Variants in PAM observed in about 807,000 individuals in gnomAD.
PAM encodes the protein peptidylglycine alpha-amidating monooxygenase, also known as peptidyl-glycine alpha-amidating monooxygenase.
PAM carries 72 observed loss-of-function variants against 122.1 expected under a neutral mutation model. That is an observed-to-expected ratio of 0.59 (90% CI 0.49 to 0.72). The LOEUF is 0.72. Ranked by LOEUF, PAM falls within the 30% of genes least tolerant of loss-of-function variation. The pLI, the probability that PAM is intolerant of heterozygous loss-of-function variation, is 0.00. For synonymous variants in PAM, 389 were observed against 404.4 expected, an observed-to-expected ratio of 0.96 and a Z score of 0.46; for missense variants, 1,106 against 1,183.7, an observed-to-expected ratio of 0.93 and a Z score of 0.96.
Position 102,872,961 on chromosome 5 carries a change from C to T in PAM, c.210+5568C>T, listed in dbSNP as rs370603186. 7.9e-5 allele frequency among the ~76,000 whole-genome samples: 12 copies of T among 152,208 alleles called. 1 individual carries two copies. The South Asian group carries it at 2.3e-3, about 29-fold the overall frequency. ...AGGGAAAGGATTTAAAAACTACCTACAGCCTACTATGCTTTTACCTGGGTG... is the reference window on the plus strand; with the variant it reads ...AGGGAAAGGATTTAAAAACTACCTATAGCCTACTATGCTTTTACCTGGGTG... On this transcript the variant is annotated intron_variant, in intron 3 of 25. Coordinates refer to ENST00000438793, the MANE Select transcript of PAM (RefSeq NM_001177306.2).
chr5:102,978,159 A>G (rs577269257), intron 15 of PAM, among the ~76,000 whole-genome samples: 1 of 152,314 alleles, frequency 6.6e-6, no homozygotes, highest in South Asian at 2.1e-4. Context: ...TTCTTGCAGT[A>G]TGCAGGAAAG....
At chr5:102,869,290 G>A (rs1019273616) in intron 3 of PAM, among the ~76,000 whole-genome samples, 22 of 152,216 alleles carry the variant, frequency 1.4e-4, no homozygotes, top group African/African-American at 3.9e-4. Context: ...TGTTGCATGT[G>A]AGCAGTAGGC....
In PAM at chr5:103,005,572, T is replaced by C. The variant is rs542648525; in HGVS notation, c.1803+346T>C. The stretch of plus-strand genomic sequence containing the variant: ...GCCAGAGAGATAAGAGTGACAGTAA[T>C]CTCTGTTATCTCTTCTTATGGCACT... On this transcript the variant is annotated intron_variant, in intron 18 of 25. Transcript: ENST00000438793. Among the ~76,000 whole-genome samples the C allele has an allele frequency of 3.3e-5, 5 of 152,248 alleles. No homozygotes were observed. The East Asian group carries it at 9.7e-4, about 29-fold the overall frequency.
At chr5:102,992,120 G>A (rs990667602) in intron 16 of PAM, among the ~76,000 whole-genome samples, 1 of 152,112 alleles carries the variant, frequency 6.6e-6, no homozygotes, top group Non-Finnish European at 1.5e-5. Context: ...CCACCTAAGA[G>A]CATTTTCTGT....
chr5:102,994,877 T>C (rs1177145006), intron 16 of PAM, among the ~76,000 whole-genome samples: 1 of 152,180 alleles, frequency 6.6e-6, no homozygotes. Flanking sequence ...TATATCTTCA[T>C]AGATGATGTT....
chr5:102,833,654 T>G (rs1406708167), intron 1 of PAM, among the ~76,000 whole-genome samples: 1 of 152,338 alleles, frequency 6.6e-6, no homozygotes, highest in African/African-American at 2.4e-5. Context: ...AGATCTTGTT[T>G]GTAAGTTTTT....
intron 3 of PAM, among the ~76,000 whole-genome samples, chr5:102,872,216 A>G (rs1049577394): frequency 6.6e-6 from 1 of 152,188 alleles, no homozygotes; most frequent in Non-Finnish European, 1.5e-5. Context: ...AAAGCAGCCT[A>G]TCCCTGTGTA....
intron 1 of PAM, among the ~76,000 whole-genome samples, chr5:102,773,409 T>C (rs961786319): frequency 6.6e-6 from 1 of 152,150 alleles, no homozygotes; most frequent in Admixed American, 6.6e-5. Flanking sequence ...ATGTGATCTC[T>C]GTTGCAACTA....
chr5:102,942,537 G>A (rs534730538), intron 7 of PAM, among the ~76,000 whole-genome samples: 1 of 151,892 alleles, frequency 6.6e-6, no homozygotes, highest in Non-Finnish European at 1.5e-5. Flanking sequence ...CTCTGGGAGG[G>A]TGGGAAGATA....
At chr5:103,005,959 G>C (rs887323113) in intron 18 of PAM, among the ~76,000 whole-genome samples, 5 of 151,992 alleles carry the variant, frequency 3.3e-5, no homozygotes, top group Non-Finnish European at 7.4e-5. Context: ...GTTTGAGACA[G>C]GGTCTCACTC....
intron 3 of PAM, among the ~76,000 whole-genome samples, chr5:102,877,585 C>T (rs1032297511): frequency 2.0e-5 from 3 of 152,096 alleles, no homozygotes; most frequent in Non-Finnish European, 2.9e-5. Flanking sequence ...TCTAGAAATA[C>T]GGCTGTAAAC....
At chr5:102,965,614 T>C (rs1763860558) in intron 14 of PAM, among the ~76,000 whole-genome samples, 1 of 152,032 alleles carries the variant, frequency 6.6e-6, no homozygotes, top group African/African-American at 2.4e-5. Context: ...CTTTAACATG[T>C]TTTATTCAGT....
chr5:102,757,835 G>A (rs1750915710), intron 1 of PAM, among the ~76,000 whole-genome samples: 1 of 151,670 alleles, frequency 6.6e-6, no homozygotes, highest in African/African-American at 2.4e-5. Flanking sequence ...GAGTTCAGGA[G>A]TTTGAAACCA....
intron 15 of PAM, among the ~76,000 whole-genome samples, chr5:102,982,773 T>C (rs1770351803): frequency 6.6e-6 from 1 of 152,162 alleles, no homozygotes; most frequent in Admixed American, 6.5e-5. Flanking sequence ...GCAACTGTTA[T>C]ACCACATATA....
chr5:102,982,193 A>G (rs1770123759), intron 15 of PAM, among the ~76,000 whole-genome samples: 1 of 152,116 alleles, frequency 6.6e-6, no homozygotes, highest in South Asian at 2.1e-4. Flanking sequence ...GGGTCTGTCA[A>G]GCCTGCCATC....
Position 102,779,490 on chromosome 5 carries a change from C to G in PAM, c.-374+24142C>G, listed in dbSNP as rs530444670. ...TCAGATAAAGTATTCCCCCCCTTAT[C>G]TGTGGTTTCATTTACTGTGATGGTT... On this transcript the variant is annotated intron_variant, in intron 1 of 25. Transcript: ENST00000438793. Among the ~76,000 whole-genome samples the G allele has an allele frequency of 3.9e-5, 6 of 152,006 alleles. No individual in the cohort carries two copies. The East Asian group carries it at 1.2e-3, about 29-fold the overall frequency.
chr5:102,927,069 A>G (rs1032804155), intron 7 of PAM, among the ~76,000 whole-genome samples: 1 of 151,038 alleles, frequency 6.6e-6, no homozygotes, highest in Non-Finnish European at 1.5e-5. Flanking sequence ...CTGCAATACC[A>G]AAGGGGTTCT....
intron 16 of PAM, among the ~76,000 whole-genome samples, chr5:102,999,032 G>C (rs747255901): frequency 2.0e-5 from 3 of 152,182 alleles, no homozygotes; most frequent in Non-Finnish European, 4.4e-5. Flanking sequence ...TCCTTCACAT[G>C]ATGGCAGGAA....
chr5:102,903,274 T>C (rs1798542142), intron 4 of PAM, among the ~76,000 whole-genome samples: 1 of 151,534 alleles, frequency 6.6e-6, no homozygotes, highest in South Asian at 2.1e-4. Flanking sequence ...TCTGTGTGAG[T>C]CCTTTAATGA....
Sources: gnomAD v4.1 joint callset for allele counts (sites outside exome capture counted in the v4.1 genomes callset) on GRCh38, gnomAD v4.1.1 for gene constraint, MANE v1.5 for transcripts, NCBI Gene and HGNC (gene_info 2026-07-23, HGNC 2026-07-21) for gene names.